GLB1L2: variants seen among roughly 807,000 people sequenced by gnomAD.
GLB1L2 encodes the protein galactosidase beta 1 like 2, also known as beta-galactosidase-1-like protein 2.
In GLB1L2, 68 loss-of-function variants were observed where a neutral mutation model predicts 84.1. The ratio of observed to expected loss-of-function variants is 0.81; its 90% confidence interval spans 0.67 to 0.99. GLB1L2 has a LOEUF of 0.99. GLB1L2 is among the 50% of genes least tolerant of loss of function. The pLI is 0.00. For synonymous variants in GLB1L2, 290 were observed against 318.0 expected (o/e 0.91, Z 0.94); for missense variants, 762 against 805.6 (o/e 0.95, Z 0.66).
chr11:134,335,388 T>A (rs1277356137), intron 1 of GLB1L2, among the ~76,000 whole-genome samples: 1 of 152,184 alleles, frequency 6.6e-6, no homozygotes, highest in African/African-American at 2.4e-5. Flanking sequence ...TTTCATGGAA[T>A]GTTCAAACTC....
At chr11:134,362,734 C>CAG (rs1019473631) in intron 7 of GLB1L2, among the ~76,000 whole-genome samples, 1 of 152,224 alleles carries the variant, frequency 6.6e-6, no homozygotes, top group Non-Finnish European at 1.5e-5. Flanking sequence ...AGCTCGGGCC[C>CAG]AGGGTTCTCA....
At chr11:134,345,218 T>G in intron 4 of GLB1L2, 89 bp downstream of exon 4, 1 of 1,186,050 alleles carries the variant, frequency 8.4e-7, no homozygotes, top group African/African-American at 1.8e-5. Flanking sequence ...GTTCCCATTC[T>G]GTACTGAATT....
In GLB1L2 at chr11:134,369,392, G is replaced by A. The variant is rs141675518; in HGVS notation, c.1028-413G>A. 1.5e-4 allele frequency among the ~76,000 whole-genome samples: 23 copies of A among 152,156 alleles called. 1 individual carries two copies. The highest frequency in any genetic ancestry group is 4.1e-4 in the African/African-American group (17 of 41,520). On this transcript the variant is annotated intron_variant, in intron 10 of 18. Coordinates refer to ENST00000535456, the MANE Select transcript of GLB1L2 (RefSeq NM_001370461.1). ...AATTTTTTGTAGAGGTGGGGGTCTC[G>A]CTATGTTGCCCAGGCTGGTCTGGAA... is the stretch of plus-strand genomic sequence containing the variant.
chr11:134,341,079 G>A (rs546899831), intron 1 of GLB1L2, among the ~76,000 whole-genome samples: 6 of 152,216 alleles, frequency 3.9e-5, no homozygotes, highest in Admixed American at 6.5e-5. Context: ...CCACCATGGG[G>A]AGAATGGAGA....
Position 134,375,161 on chromosome 11 carries a change from T to G in GLB1L2, c.*103T>G. 2 of 839,128 alleles carry G rather than the reference T, an allele frequency of 2.4e-6. No homozygotes were observed. The highest frequency in any genetic ancestry group is 3.8e-6 in the Non-Finnish European group (2 of 522,914). The allele number at this position is 839,128 out of a possible 1,614,324, so 52.0% of individuals were successfully genotyped here. A position where few individuals can be genotyped will look rare whatever the true frequency, so the allele number is the denominator to read the frequency against. On this transcript the variant is annotated 3_prime_UTR_variant, in exon 19 of 19. Coordinates refer to ENST00000535456, the MANE Select transcript of GLB1L2 (RefSeq NM_001370461.1). Reference sequence around the variant, plus strand: ...CACCCCTCACTGCAAAAGCATCTCCTTAAGTAGCAACCTCAGGGACTGGGG... The same window carrying G: ...CACCCCTCACTGCAAAAGCATCTCCGTAAGTAGCAACCTCAGGGACTGGGG...
chr11:134,369,114 C>T (rs1442089848), intron 10 of GLB1L2, among the ~76,000 whole-genome samples: 1 of 152,140 alleles, frequency 6.6e-6, no homozygotes, highest in Non-Finnish European at 1.5e-5. Flanking sequence ...ATCCTGCCTC[C>T]TTTAGGTTGA....
At chr11:134,359,429 G>C (rs1943751835) in intron 7 of GLB1L2, 1 of 282,630 alleles carries the variant, frequency 3.5e-6, no homozygotes, top group African/African-American at 2.2e-5. Context: ...CCTGTTTTCA[G>C]AACATCGCAG....
chr11:134,371,482 C>T lies in GLB1L2; in HGVS notation c.1418C>T (p.Pro473Leu). Residue 473 changes from proline to leucine, a missense_variant, in exon 14 of 19, where the codon CCC (proline) becomes CTC (leucine). Pro to Leu is a moderately conservative substitution (Grantham distance 98). This residue lies in a region of GLB1L2 where 603 missense variants were observed against 611.7 expected (regional missense o/e 0.99). Transcript: ENST00000535456. ...LDYKTTKIAV[P>L]LIQGYTVLRI... ...TACAAGACAACGAAGATTGCTGTCC[C>T]CCTGATCCAGGTTCGTTGTTTTTGG... 6.3e-7 allele frequency: 1 copy of T among 1,586,146 alleles called. No homozygotes were observed. Among genetic ancestry groups the T allele is most frequent in the South Asian group, 1.1e-5 (1 of 90,506 alleles).
At chr11:134,366,167 A>G (rs1253248242) in intron 8 of GLB1L2, among the ~76,000 whole-genome samples, 1 of 152,208 alleles carries the variant, frequency 6.6e-6, no homozygotes, top group African/African-American at 2.4e-5. Flanking sequence ...CAAGCCAACA[A>G]CCTTGCTTCT....
intron 15 of GLB1L2, 94 bp downstream of exon 15, chr11:134,371,924 G>A (rs1408209191): frequency 8.1e-7 from 1 of 1,236,800 alleles, no homozygotes; most frequent in African/African-American, 1.5e-5. Flanking sequence ...GGCCATGGAG[G>A]CCTCTTGCAG....
At position 134,334,640 on chromosome 11, in the gene GLB1L2, T is replaced by C. The variant is rs1449093780; in HGVS notation, c.86+2493T>C. Among the ~76,000 whole-genome samples the C allele has an allele frequency of 6.6e-6, 1 of 152,142 alleles. No individual in the cohort carries two copies. The highest frequency in any genetic ancestry group is 1.5e-5 in the Non-Finnish European group (1 of 68,018). ...CCCAAAGTTTCCATGTACCTCTCTGTCATCCCTCCCTCCTACTCCTCCCTG... is the reference window on the plus strand; with the variant it reads ...CCCAAAGTTTCCATGTACCTCTCTGCCATCCCTCCCTCCTACTCCTCCCTG... On this transcript the variant is annotated intron_variant, in intron 1 of 18. Transcript: ENST00000535456. The surrounding 1 kb of genome is among the most constrained non-coding windows in gnomAD (Gnocchi z 4.1).
intron 1 of GLB1L2, among the ~76,000 whole-genome samples, chr11:134,332,392 G>A (rs978448719): frequency 1.3e-5 from 2 of 151,742 alleles, no homozygotes; most frequent in African/African-American, 4.8e-5. Flanking sequence ...TCTGTGCCCC[G>A]AGCCGCCCAC....
At position 134,342,713 on chromosome 11, in the gene GLB1L2, GC is replaced by G. The variant is rs769757465; in HGVS notation, c.87-38del. The G allele has an allele frequency of 6.3e-6, 10 of 1,578,434 alleles. No individual in the cohort carries two copies. The African/African-American group carries it at 1.3e-4, about 21-fold the overall frequency. ...GGGCGAGGAAGCCGATCTCTCTGCG[GC>G]CCGGAGCCTCCAGGCTCCAGAATGT... On this transcript the variant is annotated intron_variant, in intron 1 of 18. Transcript: ENST00000535456.
intron 1 of GLB1L2, among the ~76,000 whole-genome samples, chr11:134,332,512 C>T (rs1176291683): frequency 2.0e-5 from 3 of 152,160 alleles, no homozygotes; most frequent in African/African-American, 7.2e-5. Context: ...CACTGCTCCG[C>T]GGAGAGCTCC....
At chr11:134,350,938 G>T (rs973230650) in intron 5 of GLB1L2, among the ~76,000 whole-genome samples, 1 of 152,218 alleles carries the variant, frequency 6.6e-6, no homozygotes, top group Admixed American at 6.5e-5. Flanking sequence ...GGGGTGTGGG[G>T]ATGTGCACTG....
intron 17 of GLB1L2, 128 bp from the exon 18 acceptor site, chr11:134,374,474 C>A: frequency 1.2e-6 from 1 of 805,204 alleles, no homozygotes; most frequent in South Asian, 1.5e-5. Flanking sequence ...CCCACCTGCC[C>A]ACCCTCATGG....
At chr11:134,358,313 G>A (rs913845890) in intron 6 of GLB1L2, among the ~76,000 whole-genome samples, 10 of 152,384 alleles carry the variant, frequency 6.6e-5, no homozygotes, top group Admixed American at 5.9e-4. Context: ...TGCGATGCTT[G>A]ACTTCACGCC....
At chr11:134,351,525 A>G (rs1943633951) in intron 5 of GLB1L2, among the ~76,000 whole-genome samples, 1 of 151,714 alleles carries the variant, frequency 6.6e-6, no homozygotes, top group African/African-American at 2.4e-5. Flanking sequence ...TTGTATTTTC[A>G]GTAGAGATGG....
In GLB1L2 at chr11:134,374,165, G is replaced by T. The variant is rs1943994420; in HGVS notation, c.1616G>T (p.Ser539Ile). Residue 539 changes from serine to isoleucine, a missense_variant, in exon 17 of 19, where the codon AGT (serine) becomes ATT (isoleucine). By Grantham distance (142) the Ser-to-Ile change is moderately radical (BLOSUM62 -2). Coordinates refer to ENST00000535456, the MANE Select transcript of GLB1L2 (RefSeq NM_001370461.1). ...FFQRFGLDKW[S>I]SLPETPTLPA... ...CTTAGGTTCGGCCTGGACAAATGGAGTTCCCTCCCAGAAACACCCACATTA... is the reference window on the plus strand; with the variant it reads ...CTTAGGTTCGGCCTGGACAAATGGATTTCCCTCCCAGAAACACCCACATTA... The T allele has an allele frequency of 6.8e-6, 11 of 1,613,808 alleles. No homozygotes were observed. The highest frequency in any genetic ancestry group is 9.3e-6 in the Non-Finnish European group (11 of 1,179,778).
Sources: allele counts gnomAD v4.1 joint callset (sites outside exome capture counted in the v4.1 genomes callset), GRCh38; gene constraint gnomAD v4.1.1; regional missense constraint gnomAD v4.1.1; non-coding constraint Gnocchi (gnomAD v3.1); transcripts MANE v1.5; gene names NCBI Gene and HGNC (gene_info 2026-07-23, HGNC 2026-07-21).